The following PFKP variants were observed in gnomAD, a reference collection of about 807,000 sequenced individuals.
PFKP encodes ATP-dependent 6-phosphofructokinase, platelet type.
PFKP carries 101 observed loss-of-function variants against 94.3 expected under a neutral mutation model. The ratio of observed to expected loss-of-function variants is 1.07; its 90% CI spans 0.91 to 1.26. The LOEUF is 1.26. Among genes scored for constraint, PFKP ranks in the 50% most tolerant of loss-of-function variants. The pLI, the probability that PFKP is intolerant of heterozygous loss-of-function variation, is 0.00. For synonymous variants in PFKP, 573 were observed against 432.6 expected (o/e 1.32, Z -4.03); for missense variants, 1,145 against 1,103.3 (o/e 1.04, Z -0.53).
intron 1 of PFKP, among the ~76,000 whole-genome samples, chr10:3,079,992 A>C (rs1249156972): frequency 6.6e-6 from 1 of 152,108 alleles, no homozygotes; most frequent in African/African-American, 2.4e-5. Flanking sequence ...ATCAGGTGGG[A>C]GGCAAGCCAG....
In PFKP at chr10:3,082,423, G is replaced by T. The variant is rs1381883714; in HGVS notation, c.148G>T (p.Gly50Cys). 6.2e-7 allele frequency: 1 copy of T among 1,608,220 alleles called. No individual in the cohort carries two copies. Among genetic ancestry groups the T allele is most frequent in the Non-Finnish European group, 8.5e-7 (1 of 1,176,254 alleles). Reference sequence around the variant, plus strand: ...TGCCGTCCGTGCCGTGGTGCGCATGGGTATCTACGTGGGGGCCAAGGTGTA... The same window carrying T: ...TGCCGTCCGTGCCGTGGTGCGCATGTGTATCTACGTGGGGGCCAAGGTGTA... ...NAAVRAVVRMGIYVGAKVYFI... is the reference protein window; with the variant it reads ...NAAVRAVVRMCIYVGAKVYFI... The change falls in exon 2 of 22, where the codon GGT becomes TGT. Residue 50 changes from glycine to cysteine, a missense_variant. Coordinates refer to ENST00000381125, the MANE Select transcript of PFKP (RefSeq NM_002627.5).
At chr10:3,075,904 CAAAA>C (rs577636701) in intron 1 of PFKP, among the ~76,000 whole-genome samples, 14 of 70,320 alleles carry the variant, frequency 2.0e-4, no homozygotes, top group African/African-American at 4.7e-4. Context: ...GACCCTATCG[CAAAA>C]AAAAAAAAAA....
intron 2 of PFKP, among the ~76,000 whole-genome samples, chr10:3,090,441 T>C (rs1482981934): frequency 6.6e-6 from 1 of 152,202 alleles, no homozygotes; most frequent in Non-Finnish European, 1.5e-5. Flanking sequence ...TTGACTGCTT[T>C]TCAGGGATGA....
intron 13 of PFKP, among the ~76,000 whole-genome samples, chr10:3,114,829 T>C (rs1488900834): frequency 4.0e-5 from 6 of 151,812 alleles, no homozygotes; most frequent in African/African-American, 1.5e-4. Flanking sequence ...CCTGAGGAGG[T>C]TGGCTTTTAT....
rs548241104 is a variant in PFKP at position 3,134,208 on chromosome 10, T to A, written c.2023-275T>A. On this transcript the variant is annotated intron_variant, in intron 19 of 21. Transcript: ENST00000381125. ...TGACCCATCCCCAGCTCAGATGAGT[T>A]CATGAAATCCTGATTTAAGATTTTA... Among the ~76,000 whole-genome samples, 13 of 152,358 alleles carry A rather than the reference T, an allele frequency of 8.5e-5. 1 individual carries two copies. In the South Asian group the frequency reaches 2.7e-3, roughly 32 times the overall value.
At chr10:3,097,656 C>A (rs574699911) in intron 2 of PFKP, among the ~76,000 whole-genome samples, 1 of 152,124 alleles carries the variant, frequency 6.6e-6, no homozygotes, top group Non-Finnish European at 1.5e-5. Flanking sequence ...GGGTTCTGTT[C>A]CATTCCAGAC....
At chr10:3,083,871 G>T (rs535945541) in intron 2 of PFKP, among the ~76,000 whole-genome samples, 4 of 152,272 alleles carry the variant, frequency 2.6e-5, no homozygotes, top group African/African-American at 9.6e-5. Context: ...TCGAACTCCT[G>T]ACCTCAGGTG....
chr10:3,132,402 A>T lies in PFKP; in HGVS notation c.1871A>T (p.Glu624Val). 6.2e-7 allele frequency: 1 copy of T among 1,612,824 alleles called. No homozygotes were observed. Among genetic ancestry groups the T allele is most frequent in the Non-Finnish European group, 8.5e-7 (1 of 1,178,860 alleles). The change falls in exon 18 of 22, where the codon GAG becomes GTG. Residue 624 changes from glutamate (E) to valine (V), a missense_variant. This residue lies in a region of PFKP where 1,119 missense variants were observed against 1,062.8 expected (regional missense o/e 1.05). Transcript: ENST00000381125. The stretch of plus-strand genomic sequence containing the variant: ...CAGTCCAACGTGGAGCACCTGACGG[A>T]GAAAATGAAGACCACCATCCAGAGA... ...DLQSNVEHLT[E>V]KMKTTIQRGL... is the part of the protein sequence containing the mutation.
chr10:3,103,310 T>C (rs2131550947), intron 4 of PFKP, among the ~76,000 whole-genome samples: 2 of 152,338 alleles, frequency 1.3e-5, no homozygotes, highest in South Asian at 4.1e-4. Context: ...GTCTGGCTTC[T>C]CTTTCCTTAA....
rs1403440126 is a variant in PFKP at position 3,129,845 on chromosome 10, C to T, written c.1710C>T (p.Ala570=). The T allele has an allele frequency of 6.2e-6, 10 of 1,613,530 alleles. No individual in the cohort carries two copies. In the African/African-American group the frequency reaches 9.3e-5, roughly 15 times the overall value. Residue 570 remains alanine, a synonymous_variant, in exon 17 of 22, where the codon GCC becomes GCT. Transcript: ENST00000381125. ...TDTCDRIKQS[A]SGTKRRVFII... Reference sequence around the variant, plus strand: ...CCTGCGACCGCATCAAGCAGTCCGCCAGCGGAACCAAGCGGCGCGTGTTCA... The same window carrying T: ...CCTGCGACCGCATCAAGCAGTCCGCTAGCGGAACCAAGCGGCGCGTGTTCA...
At chr10:3,129,725 G>C in intron 16 of PFKP, 94 bp from the exon 17 acceptor site, 1 of 1,348,378 alleles carries the variant, frequency 7.4e-7, no homozygotes, top group Non-Finnish European at 1.0e-6. Context: ...GGCGCGGTGG[G>C]GGGGCCTTGC....
intron 1 of PFKP, among the ~76,000 whole-genome samples, chr10:3,080,415 G>C (rs2131410651): frequency 6.6e-6 from 1 of 151,740 alleles, no homozygotes; most frequent in Non-Finnish European, 1.5e-5. Context: ...TGCTCAGGAG[G>C]CTGAGGCAGG....
chr10:3,108,606 C>A, intron 8 of PFKP, 95 bp from the exon 9 acceptor site: 1 of 898,342 alleles, frequency 1.1e-6, no homozygotes, highest in Non-Finnish European at 1.8e-6. Flanking sequence ...GAAGAAAGAG[C>A]GAAAAACCTT....
At chr10:3,092,152 C>T (rs995295292) in intron 2 of PFKP, among the ~76,000 whole-genome samples, 1 of 152,208 alleles carries the variant, frequency 6.6e-6, no homozygotes, top group Non-Finnish European at 1.5e-5. Flanking sequence ...CCCATGGCCC[C>T]CGGTCAGCAG....
Position 3,067,584 on chromosome 10 carries a change from G to A in PFKP, c.-12G>A. Reference sequence around the variant, plus strand: ...CGCACCCGGACGTGCGGCTCCCCTCGGCCTCCTCGCCATGGACGCGGACGA... The same window carrying A: ...CGCACCCGGACGTGCGGCTCCCCTCAGCCTCCTCGCCATGGACGCGGACGA... On this transcript the variant is annotated 5_prime_UTR_variant, in exon 1 of 22. Coordinates refer to ENST00000381125, the MANE Select transcript of PFKP (RefSeq NM_002627.5). 1 of 1,451,454 alleles carries A rather than the reference G, an allele frequency of 6.9e-7. No homozygotes were observed. The highest frequency in any genetic ancestry group is 9.3e-7 in the Non-Finnish European group (1 of 1,071,920). The allele number at this position is 1,451,454 out of a possible 1,614,324, so 89.9% of individuals were successfully genotyped here.
In PFKP at chr10:3,104,767, C is replaced by T. The variant is rs546175502; in HGVS notation, c.621-348C>T. On this transcript the variant is annotated intron_variant, in intron 5 of 21. Transcript: ENST00000381125. ...CAGCCGTGGCTGTCGACAGCAGCTG[C>T]CGACTGTGCCCAATAGAGAAGGTAT... 174 of 353,546 alleles carry T rather than the reference C, an allele frequency of 4.9e-4. 1 individual carries two copies. In the South Asian group the frequency reaches 5.2e-3, roughly 11 times the overall value. 21.9% of individuals were successfully genotyped at this position (353,546 alleles called of 1,614,324 possible).
intron 13 of PFKP, among the ~76,000 whole-genome samples, chr10:3,115,496 G>C (rs997528723): frequency 6.7e-6 from 1 of 149,128 alleles, no homozygotes; most frequent in African/African-American, 2.5e-5. Context: ...GGGGATGCTG[G>C]GGTGAAGGTG....
chr10:3,136,329 T>A, intron 21 of PFKP, 121 bp from the exon 22 acceptor site: 2 of 935,426 alleles, frequency 2.1e-6, no homozygotes, highest in Non-Finnish European at 3.3e-6. Flanking sequence ...TATCATCTAG[T>A]TGATTCAGCC....
At chr10:3,123,245 A>G (rs1299299005) in intron 16 of PFKP, among the ~76,000 whole-genome samples, 4 of 152,146 alleles carry the variant, frequency 2.6e-5, no homozygotes, top group Non-Finnish European at 4.4e-5. Context: ...TAAGCTCGAT[A>G]AGGTCACATC....
Sources: allele counts gnomAD v4.1 joint callset (sites outside exome capture counted in the v4.1 genomes callset), GRCh38; gene constraint gnomAD v4.1.1; regional missense constraint gnomAD v4.1.1; transcripts MANE v1.5; gene names NCBI Gene and HGNC (gene_info 2026-07-23, HGNC 2026-07-21).